Variants in CDH4 observed in about 807,000 individuals in gnomAD.
The protein encoded by CDH4 is cadherin-4.
CDH4 carries 33 observed loss-of-function variants against 86.0 expected under a neutral mutation model. The observed-to-expected ratio is 0.38, with a 90% CI of 0.29 to 0.51. CDH4 has a LOEUF of 0.51. Ranked by LOEUF, CDH4 falls within the 20% of genes least tolerant of loss-of-function variation. The probability of loss-of-function intolerance (pLI) is 0.86; values close to 1 mark genes in which losing one functional copy is unlikely to be tolerated. For missense variants in CDH4, 1,114 were observed against 1,307.4 expected, an observed-to-expected ratio of 0.85 and a Z score of 2.28; for synonymous variants, 555 against 549.4, an observed-to-expected ratio of 1.01 and a Z score of -0.14.
chr20:61,522,769 G>A (rs1485434660), intron 2 of CDH4, among the ~76,000 whole-genome samples: 3 of 152,202 alleles, frequency 2.0e-5, no homozygotes, highest in South Asian at 2.1e-4. Flanking sequence ...TTTAATTGAC[G>A]GCCCGGTGCC....
chr20:61,682,147 G>A (rs1176133625), intron 2 of CDH4, among the ~76,000 whole-genome samples: 3 of 152,194 alleles, frequency 2.0e-5, no homozygotes, highest in African/African-American at 7.2e-5. Context: ...TGGATAGAGG[G>A]TAGATGGATG....
intron 8 of CDH4, among the ~76,000 whole-genome samples, chr20:61,899,488 C>T (rs1985284279): frequency 6.6e-6 from 1 of 152,048 alleles, no homozygotes; most frequent in Non-Finnish European, 1.5e-5. Context: ...AGTGCAGTGG[C>T]GTGGTCTCGG....
intron 2 of CDH4, among the ~76,000 whole-genome samples, chr20:61,702,843 A>C (rs1408378704): frequency 6.6e-6 from 1 of 152,176 alleles, no homozygotes; most frequent in Non-Finnish European, 1.5e-5. Context: ...TTTGATTGAA[A>C]TTTAGAGTTC....
chr20:61,345,229 T>C (rs1325444264), intron 2 of CDH4, among the ~76,000 whole-genome samples: 1 of 152,204 alleles, frequency 6.6e-6, no homozygotes, highest in African/African-American at 2.4e-5. Flanking sequence ...GTTACCTTCA[T>C]CTGTAAAAGT....
chr20:61,845,212 T>C (rs1430227777), intron 5 of CDH4, among the ~76,000 whole-genome samples: 1 of 152,254 alleles, frequency 6.6e-6, no homozygotes, highest in African/African-American at 2.4e-5. Context: ...CTCATGCTGC[T>C]CTTGGCCCCT....
chr20:61,695,776 G>A (rs78760391), intron 2 of CDH4, among the ~76,000 whole-genome samples: 2,131 of 152,322 alleles, frequency 0.014, 45 homozygotes, highest in African/African-American at 0.047. Context: ...CGGTTCCCTC[G>A]GAATTTGCAC....
chr20:61,318,971 C>T (rs1336329532), intron 2 of CDH4, among the ~76,000 whole-genome samples: 1 of 152,196 alleles, frequency 6.6e-6, no homozygotes, highest in African/African-American at 2.4e-5. Context: ...CATGGTGGGG[C>T]ACCACACACT....
At chr20:61,444,279 G>C (rs1337171289) in intron 2 of CDH4, among the ~76,000 whole-genome samples, 1 of 147,530 alleles carries the variant, frequency 6.8e-6, no homozygotes, top group Admixed American at 7.0e-5. Flanking sequence ...GTGTGTATGT[G>C]TATGTATGTG....
intron 2 of CDH4, among the ~76,000 whole-genome samples, chr20:61,456,135 ATAGG>A (rs1422249747): frequency 2.0e-5 from 3 of 152,102 alleles, no homozygotes; most frequent in Non-Finnish European, 4.4e-5. Flanking sequence ...GGATGGATAG[ATAGG>A]TAGGTGGGTG....
chr20:61,891,619 T>A (rs1030158572), intron 7 of CDH4, among the ~76,000 whole-genome samples: 19 of 152,160 alleles, frequency 1.2e-4, no homozygotes, highest in African/African-American at 4.6e-4. Flanking sequence ...ATGAGGCACA[T>A]GTTGGGGCTG....
chr20:61,583,575 G>A (rs560949636), intron 2 of CDH4, among the ~76,000 whole-genome samples: 44 of 152,150 alleles, frequency 2.9e-4, no homozygotes, highest in Non-Finnish European at 6.0e-4. Context: ...CTGGGGTGAG[G>A]GGTTGTCCCT....
Position 61,653,788 on chromosome 20 carries a change from G to A in CDH4, c.170-89775G>A, listed in dbSNP as rs551336162. Among the ~76,000 whole-genome samples, 80 of 112,254 alleles carry A rather than the reference G, an allele frequency of 7.1e-4. 7 individuals are homozygous for A. The highest frequency in any genetic ancestry group is 2.1e-3 in the African/African-American group (72 of 34,604). The allele number at this position is 112,254 out of a possible 152,430, so 73.6% of individuals were successfully genotyped here. ...GCGCTCCCCACATCCCAGACGATGGGCGGCCGGGCAGAGACGCTCCTCACT... is the reference window on the plus strand; with the variant it reads ...GCGCTCCCCACATCCCAGACGATGGACGGCCGGGCAGAGACGCTCCTCACT... On this transcript the variant is annotated intron_variant, in intron 2 of 15. Transcript: ENST00000614565.
intron 1 of CDH4, 76 bp from the exon 2 acceptor site, chr20:61,254,750 C>G: frequency 1.0e-6 from 1 of 956,630 alleles, no homozygotes; most frequent in Admixed American, 1.7e-5. Flanking sequence ...TTTTACACAG[C>G]AGGCCCTGGA....
chr20:61,465,888 CAGG>C (rs1171275640), intron 2 of CDH4, among the ~76,000 whole-genome samples: 4 of 145,410 alleles, frequency 2.8e-5, no homozygotes, highest in Admixed American at 6.9e-5. Context: ...TGCAGGGTGG[CAGG>C]AGGATACAGT....
At chr20:61,861,727 G>A (rs1219589846) in intron 6 of CDH4, among the ~76,000 whole-genome samples, 3 of 152,156 alleles carry the variant, frequency 2.0e-5, no homozygotes, top group Non-Finnish European at 4.4e-5. Context: ...AGGTGGCTGC[G>A]GCGCCCCCAA....
intron 2 of CDH4, among the ~76,000 whole-genome samples, chr20:61,586,802 C>G (rs1276653055): frequency 6.6e-6 from 1 of 152,178 alleles, no homozygotes; most frequent in Non-Finnish European, 1.5e-5. Context: ...AGACAAGAGA[C>G]ACACACAGAG....
chr20:61,413,412 C>T (rs544777270), intron 2 of CDH4, among the ~76,000 whole-genome samples: 2 of 152,200 alleles, frequency 1.3e-5, no homozygotes, highest in South Asian at 2.1e-4. Flanking sequence ...GTTGTGGAGC[C>T]GGGCTTCTCC....
chr20:61,453,253 T>C (rs1568850535), intron 2 of CDH4, among the ~76,000 whole-genome samples: 1 of 152,218 alleles, frequency 6.6e-6, no homozygotes, highest in African/African-American at 2.4e-5. Context: ...CATTTTTCTG[T>C]CATGGGAGCA....
At chr20:61,489,326 G>T (rs887238258) in intron 2 of CDH4, among the ~76,000 whole-genome samples, 1 of 152,162 alleles carries the variant, frequency 6.6e-6, no homozygotes, top group Non-Finnish European at 1.5e-5. Flanking sequence ...GTATTGGGTT[G>T]GTGCAAAAGT....
Sources: gnomAD v4.1 joint callset for allele counts (sites outside exome capture counted in the v4.1 genomes callset) on GRCh38, gnomAD v4.1.1 for gene constraint, MANE v1.5 for transcripts, NCBI Gene and HGNC (gene_info 2026-07-23, HGNC 2026-07-21) for gene names.